Variants in CERS6 observed in about 807,000 individuals in gnomAD.
CERS6 encodes the protein ceramide synthase 6, also known as LAG1 homolog, ceramide synthase 6.
CERS6 carries 26 observed loss-of-function variants against 56.8 expected under a neutral mutation model. The ratio of observed to expected loss-of-function variants is 0.46; its 90% CI spans 0.34 to 0.63. The LOEUF is 0.63. Among genes scored for constraint, CERS6 ranks in the 30% least tolerant of loss-of-function variants. The pLI is 0.01. For missense variants in CERS6, 415 were observed against 467.5 expected (o/e 0.89, Z 1.04); for synonymous variants, 164 against 173.3 (o/e 0.95, Z 0.42).
intron 4 of CERS6, among the ~76,000 whole-genome samples, chr2:168,653,242 C>G (rs1487446282): frequency 6.6e-6 from 1 of 152,024 alleles, no homozygotes; most frequent in Non-Finnish European, 1.5e-5. Context: ...CAATTGAAAC[C>G]CTGAAGGGAA....
chr2:168,612,516 T>C (rs1356504280), intron 3 of CERS6, among the ~76,000 whole-genome samples: 4 of 152,232 alleles, frequency 2.6e-5, no homozygotes, highest in Non-Finnish European at 5.9e-5. Context: ...AATTCACATA[T>C]GGTGAAACAA....
rs866318650 is a variant in CERS6 at position 168,771,208 on chromosome 2, A to T, written c.*1546A>T. 2.0e-5 allele frequency: 3 copies of T among 152,248 alleles called. No homozygotes were observed. Among genetic ancestry groups the T allele is most frequent in the South Asian group, 4.1e-4 (2 of 4,838 alleles). 9.4% of individuals were successfully genotyped at this position (152,248 alleles called of 1,614,324 possible). ...CGTGCAGAAACACCAGAGAGTGCGTATCCTGCTCAGAACCATTCACATTTA... is the reference window on the plus strand; with the variant it reads ...CGTGCAGAAACACCAGAGAGTGCGTTTCCTGCTCAGAACCATTCACATTTA... On this transcript the variant is annotated 3_prime_UTR_variant, in exon 10 of 10. Transcript: ENST00000305747.
At chr2:168,744,750 T>C (rs75972366) in intron 8 of CERS6, among the ~76,000 whole-genome samples, 2,216 of 152,326 alleles carry the variant, frequency 0.015, 68 homozygotes, top group African/African-American at 0.05. Flanking sequence ...ATGTCTCTAC[T>C]GAGAGCAGGA....
At chr2:168,725,471 T>G (rs545401385) in intron 8 of CERS6, among the ~76,000 whole-genome samples, 1 of 152,228 alleles carries the variant, frequency 6.6e-6, no homozygotes, top group Admixed American at 6.5e-5. Flanking sequence ...CACTAACACA[T>G]CCTTAAATAA....
chr2:168,530,893 A>G (rs1206650564), intron 1 of CERS6, among the ~76,000 whole-genome samples: 1 of 152,214 alleles, frequency 6.6e-6, no homozygotes, highest in Non-Finnish European at 1.5e-5. Flanking sequence ...TTAAGCTATG[A>G]TTTTTAGAAA....
At chr2:168,660,917 G>C (rs773756903) in intron 4 of CERS6, among the ~76,000 whole-genome samples, 9 of 152,150 alleles carry the variant, frequency 5.9e-5, no homozygotes, top group Non-Finnish European at 1.2e-4. Flanking sequence ...GAAATGTGAT[G>C]TTTAAACATA....
At chr2:168,660,236 A>T (rs192049988) in intron 4 of CERS6, among the ~76,000 whole-genome samples, 1 of 152,266 alleles carries the variant, frequency 6.6e-6, no homozygotes, top group Admixed American at 6.5e-5. Flanking sequence ...TTAACCTTTC[A>T]AATATAAGAG....
At chr2:168,574,032 T>G (rs1683186396) in intron 3 of CERS6, among the ~76,000 whole-genome samples, 2 of 152,176 alleles carry the variant, frequency 1.3e-5, no homozygotes, top group African/African-American at 4.8e-5. Flanking sequence ...CGTTGTCCTT[T>G]AGATGTACTT....
intron 1 of CERS6, among the ~76,000 whole-genome samples, chr2:168,481,395 C>G (rs1694175672): frequency 1.3e-5 from 2 of 152,078 alleles, no homozygotes; most frequent in Admixed American, 6.6e-5. Context: ...GCCTGGGCAA[C>G]AGAGGGAGAC....
intron 1 of CERS6, among the ~76,000 whole-genome samples, chr2:168,507,694 T>G: frequency 6.6e-6 from 1 of 152,152 alleles, no homozygotes; most frequent in East Asian, 1.9e-4. Context: ...CAAATCTCTC[T>G]CCACCCACAT....
intron 4 of CERS6, among the ~76,000 whole-genome samples, chr2:168,682,103 C>T (rs1449536435): frequency 6.6e-6 from 1 of 152,152 alleles, no homozygotes; most frequent in African/African-American, 2.4e-5. Context: ...ATCTCTTTGA[C>T]ATACTGATTT....
chr2:168,731,316 G>A (rs1249963044), intron 8 of CERS6, among the ~76,000 whole-genome samples: 4 of 152,072 alleles, frequency 2.6e-5, no homozygotes, highest in Admixed American at 6.6e-5. Flanking sequence ...ATCTGAAGCA[G>A]CACAAGACTG....
Position 168,717,733 on chromosome 2 carries a change from C to T in CERS6, c.739-139C>T, listed in dbSNP as rs2288185. 499 of 582,146 alleles carry T rather than the reference C, an allele frequency of 8.6e-4. 8 individuals carry two copies. The East Asian group carries it at 0.014, about 17-fold the overall frequency. 36.1% of individuals were successfully genotyped at this position (582,146 alleles called of 1,614,324 possible). On this transcript the variant is annotated intron_variant, in intron 7 of 9. Coordinates refer to ENST00000305747, the MANE Select transcript of CERS6 (RefSeq NM_203463.3). ...GGTGCATGATGTATGACATTTCAAT[C>T]GCAGGCTGAAATGCATAAAAATGCA...
chr2:168,518,342 G>A (rs1006487978), intron 1 of CERS6, among the ~76,000 whole-genome samples: 4 of 152,104 alleles, frequency 2.6e-5, no homozygotes, highest in Non-Finnish European at 5.9e-5. Context: ...AATTGTATTT[G>A]AACTACTTAT....
chr2:168,630,224 G>A (rs954903559), intron 3 of CERS6, among the ~76,000 whole-genome samples: 4 of 151,588 alleles, frequency 2.6e-5, no homozygotes, highest in Admixed American at 6.6e-5. Context: ...TTTTAAAGGC[G>A]TAGCTATTCA....
chr2:168,634,638 C>T (rs1034090763), intron 4 of CERS6, among the ~76,000 whole-genome samples: 3 of 152,164 alleles, frequency 2.0e-5, no homozygotes, highest in Non-Finnish European at 2.9e-5. Flanking sequence ...GTCTCGAACT[C>T]CTGACCTCAG....
At chr2:168,616,592 T>G (rs990199674) in intron 3 of CERS6, among the ~76,000 whole-genome samples, 2 of 152,168 alleles carry the variant, frequency 1.3e-5, no homozygotes, top group East Asian at 3.8e-4. Flanking sequence ...GCTATTCTTA[T>G]ATTAGACAAA....
chr2:168,508,221 A>G lies in CERS6; in HGVS notation c.171-39375A>G, dbSNP rs187038646. On this transcript the variant is annotated intron_variant, in intron 1 of 9. Transcript: ENST00000305747. ...TAGGGTTGTCTAACTCAGTGTTTGA[A>G]TAAATGTATAACTTTAGGGCACCTA... is the stretch of plus-strand genomic sequence containing the variant. Among the ~76,000 whole-genome samples the G allele has an allele frequency of 2.6e-5, 4 of 152,356 alleles. No individual in the cohort carries two copies. The East Asian group carries it at 7.7e-4, about 29-fold the overall frequency.
intron 1 of CERS6, among the ~76,000 whole-genome samples, chr2:168,489,535 G>A (rs1574017418): frequency 6.8e-6 from 1 of 146,794 alleles, no homozygotes; most frequent in Admixed American, 6.8e-5. Context: ...ATATTTTCCT[G>A]CAGGTCTTTG....
Sources: gnomAD v4.1 joint callset for allele counts (sites outside exome capture counted in the v4.1 genomes callset) on GRCh38, gnomAD v4.1.1 for gene constraint, MANE v1.5 for transcripts, NCBI Gene and HGNC (gene_info 2026-07-23, HGNC 2026-07-21) for gene names.